SAMD5: variants seen among roughly 807,000 people sequenced by gnomAD.
SAMD5 encodes the protein sterile alpha motif domain-containing protein 5.
A neutral mutation model predicts 11.3 loss-of-function variants in SAMD5; 13 were observed. The ratio of observed to expected loss-of-function variants is 1.15; its 90% confidence interval spans 0.75 to 1.83. The LOEUF (loss-of-function observed/expected upper bound fraction) is 1.83. Among genes scored for constraint, SAMD5 ranks in the 40% most tolerant of loss-of-function variants. The pLI, the probability that SAMD5 is intolerant of heterozygous loss-of-function variation, is 0.00. For missense variants in SAMD5, 255 were observed against 239.1 expected, an observed-to-expected ratio of 1.07 and a Z score of -0.44; for synonymous variants, 129 against 111.3, an observed-to-expected ratio of 1.16 and a Z score of -1.00.
the SAMD5 span, among the ~76,000 whole-genome samples, chr6:147,783,127 C>A: frequency 1.3e-5 from 2 of 152,152 alleles, no homozygotes; most frequent in African/African-American, 4.8e-5. Context: ...TTGTTTAAAA[C>A]AATAAGCATA....
the SAMD5 span, among the ~76,000 whole-genome samples, chr6:147,810,392 C>G: frequency 3.3e-5 from 5 of 152,254 alleles, no homozygotes; most frequent in African/African-American, 1.2e-4. Context: ...CCAACTGGCC[C>G]TCAGGAGCCT....
chr6:147,860,493 T>C, the SAMD5 span, among the ~76,000 whole-genome samples: 1 of 152,210 alleles, frequency 6.6e-6, no homozygotes, highest in Non-Finnish European at 1.5e-5. Context: ...AAGCCACTCA[T>C]GTATTGATAT....
the SAMD5 span, among the ~76,000 whole-genome samples, chr6:147,796,626 G>A: frequency 2.0e-5 from 3 of 152,074 alleles, no homozygotes; most frequent in Non-Finnish European, 4.4e-5. Context: ...AGCTTGATGG[G>A]GATGGCATTG....
At chr6:147,545,574 G>A (rs1788672289) in intron 1 of SAMD5, among the ~76,000 whole-genome samples, 1 of 152,142 alleles carries the variant, frequency 6.6e-6, no homozygotes, top group Non-Finnish European at 1.5e-5. Flanking sequence ...GGCAGGGGCT[G>A]TGGGGGATGG....
At chr6:147,588,657 C>T (rs1288162730) in intron 1 of SAMD5, among the ~76,000 whole-genome samples, 1 of 151,926 alleles carries the variant, frequency 6.6e-6, no homozygotes, top group Non-Finnish European at 1.5e-5. Context: ...TTCAGTTCCC[C>T]AAATAAAATG....
the SAMD5 span, among the ~76,000 whole-genome samples, chr6:147,878,978 A>T: frequency 6.6e-6 from 1 of 152,186 alleles, no homozygotes; most frequent in Non-Finnish European, 1.5e-5. Context: ...TTGATGTGAT[A>T]TTCCATTGAG....
At chr6:147,761,116 A>G in the SAMD5 span, among the ~76,000 whole-genome samples, 1 of 152,192 alleles carries the variant, frequency 6.6e-6, no homozygotes, top group Non-Finnish European at 1.5e-5. Context: ...TCTAATTAAA[A>G]TCCTTTAGAG....
chr6:147,899,021 A>G, the SAMD5 span, among the ~76,000 whole-genome samples: 3 of 151,642 alleles, frequency 2.0e-5, no homozygotes, highest in South Asian at 6.3e-4. Flanking sequence ...TCTACTAAAA[A>G]TACAAAAAAA....
chr6:147,814,508 A>G, the SAMD5 span, among the ~76,000 whole-genome samples: 1 of 152,136 alleles, frequency 6.6e-6, no homozygotes, highest in Admixed American at 6.5e-5. Flanking sequence ...ACTCAATGTC[A>G]GTTGGATCTG....
At chr6:147,748,619 C>T in the SAMD5 span, among the ~76,000 whole-genome samples, 1 of 152,024 alleles carries the variant, frequency 6.6e-6, no homozygotes, top group African/African-American at 2.4e-5. Flanking sequence ...TCTGGTTTGA[C>T]AGTGGGGCCA....
chr6:147,586,535 T>G (rs909358582), intron 1 of SAMD5, among the ~76,000 whole-genome samples: 7 of 152,274 alleles, frequency 4.6e-5, no homozygotes, highest in Admixed American at 3.9e-4. Context: ...TCTCTCCACC[T>G]GGACTCCACA....
At chr6:147,684,943 T>C (rs1349318425) in intron 1 of SAMD5, among the ~76,000 whole-genome samples, 2 of 152,220 alleles carry the variant, frequency 1.3e-5, no homozygotes, top group African/African-American at 4.8e-5. Context: ...TCTTATTTAG[T>C]TCACTGTAAT....
chr6:147,888,882 T>C, the SAMD5 span, among the ~76,000 whole-genome samples: 1 of 85,476 alleles, frequency 1.2e-5, no homozygotes, highest in African/African-American at 7.1e-5. Flanking sequence ...CAAAACTCCA[T>C]CTCAAAAAAA....
intron 1 of SAMD5, among the ~76,000 whole-genome samples, chr6:147,630,538 A>G (rs1431637247): frequency 6.6e-6 from 1 of 151,268 alleles, no homozygotes; most frequent in Non-Finnish European, 1.5e-5. Context: ...TCCCCCACTG[A>G]GTATCTTGTG....
the SAMD5 span, among the ~76,000 whole-genome samples, chr6:147,811,620 T>A: frequency 6.6e-6 from 1 of 152,104 alleles, no homozygotes; most frequent in East Asian, 1.9e-4. Flanking sequence ...ATGGTGCTGA[T>A]GGCCACGAGA....
At chr6:147,803,664 C>T in the SAMD5 span, among the ~76,000 whole-genome samples, 1 of 152,216 alleles carries the variant, frequency 6.6e-6, no homozygotes, top group East Asian at 1.9e-4. Context: ...CACCCTCCAG[C>T]ATGTAGACAA....
intron 1 of SAMD5, among the ~76,000 whole-genome samples, chr6:147,642,134 A>G (rs1362374546): frequency 6.6e-6 from 1 of 152,230 alleles, no homozygotes; most frequent in Non-Finnish European, 1.5e-5. Flanking sequence ...TTTTCTTTGT[A>G]AGAAAATAAT....
At chr6:147,667,675 A>G (rs1790742040) in intron 1 of SAMD5, among the ~76,000 whole-genome samples, 1 of 152,220 alleles carries the variant, frequency 6.6e-6, no homozygotes, top group African/African-American at 2.4e-5. Flanking sequence ...ACACTGAGGT[A>G]GATGACTAGC....
chr6:147,781,719 T>C, the SAMD5 span, among the ~76,000 whole-genome samples: 1 of 151,800 alleles, frequency 6.6e-6, no homozygotes, highest in African/African-American at 2.4e-5. Context: ...AAAATATTAG[T>C]ATATCTACTA....
Sources: gnomAD v4.1 joint callset for allele counts (sites outside exome capture counted in the v4.1 genomes callset) on GRCh38, gnomAD v4.1.1 for gene constraint, MANE v1.5 for transcripts, NCBI Gene and HGNC (gene_info 2026-07-23, HGNC 2026-07-21) for gene names.